The following MACC1 variants were observed in gnomAD, a reference collection of about 807,000 sequenced individuals.
The protein encoded by MACC1 is MET transcriptional regulator MACC1, also known as metastasis-associated in colon cancer protein 1.
A neutral mutation model predicts 70.7 loss-of-function variants in MACC1; 79 were observed. The ratio of observed to expected loss-of-function variants is 1.12; its 90% confidence interval spans 0.93 to 1.35. The LOEUF is 1.35. Ranked by LOEUF, MACC1 falls within the 40% of genes most tolerant of loss-of-function variation. The probability of loss-of-function intolerance (pLI) is 0.00; values close to 1 mark genes in which losing one functional copy is unlikely to be tolerated. For missense variants in MACC1, 1,106 were observed against 978.1 expected, an observed-to-expected ratio of 1.13 and a Z score of -1.74; for synonymous variants, 361 against 347.2, an observed-to-expected ratio of 1.04 and a Z score of -0.44.
chr7:20,205,431 C>G (rs919770142), intron 1 of MACC1, among the ~76,000 whole-genome samples: 13 of 152,152 alleles, frequency 8.5e-5, no homozygotes, highest in African/African-American at 2.9e-4. Context: ...CCTGCTTGAT[C>G]TGTGGTGTGG....
At chr7:20,141,262 C>A (rs1054983323) in intron 6 of MACC1, 104 bp from the exon 7 acceptor site, 17 of 716,096 alleles carry the variant, frequency 2.4e-5, no homozygotes, top group Non-Finnish European at 3.5e-5. Context: ...TAAGATAAAA[C>A]GGAATACCAA....
At chr7:20,145,101 G>C (rs980353004) in intron 6 of MACC1, among the ~76,000 whole-genome samples, 1 of 152,142 alleles carries the variant, frequency 6.6e-6, no homozygotes, top group Admixed American at 6.5e-5. Flanking sequence ...TGTACGATCG[G>C]AATATTTACA....
At chr7:20,154,167 T>C (rs768808248) in intron 6 of MACC1, 26 bp downstream of exon 6, 10 of 1,611,838 alleles carry the variant, frequency 6.2e-6, no homozygotes, top group African/African-American at 4.0e-5. Flanking sequence ...CTTTTCACTA[T>C]TGAATTACAC....
At chr7:20,152,394 C>T (rs752314618) in intron 6 of MACC1, among the ~76,000 whole-genome samples, 2 of 152,044 alleles carry the variant, frequency 1.3e-5, no homozygotes, top group Non-Finnish European at 2.9e-5. Flanking sequence ...TTAGGAATCT[C>T]CTCCCAAAGA....
At chr7:20,196,172 GT>G (rs535198854) in intron 1 of MACC1, among the ~76,000 whole-genome samples, 2 of 151,544 alleles carry the variant, frequency 1.3e-5, no homozygotes, top group Non-Finnish European at 2.9e-5. Flanking sequence ...TAATTTTCAG[GT>G]TTTTTTTAAA....
intron 6 of MACC1, among the ~76,000 whole-genome samples, chr7:20,148,211 A>C (rs141988897): frequency 6.2e-4 from 95 of 152,336 alleles, no homozygotes; most frequent in African/African-American, 2.2e-3. Flanking sequence ...ATTGCTAAGT[A>C]TACAAAGGAA....
At chr7:20,143,296 C>T (rs1353328831) in intron 6 of MACC1, among the ~76,000 whole-genome samples, 1 of 152,200 alleles carries the variant, frequency 6.6e-6, no homozygotes, top group Non-Finnish European at 1.5e-5. Context: ...ACTACAGATT[C>T]AGGAAAGGTC....
chr7:20,172,504 T>C (rs888236000), intron 1 of MACC1, among the ~76,000 whole-genome samples: 2 of 152,178 alleles, frequency 1.3e-5, no homozygotes, highest in Non-Finnish European at 2.9e-5. Context: ...TACACACATA[T>C]ATACACACAT....
chr7:20,154,690 A>G (rs1284283416), intron 5 of MACC1, among the ~76,000 whole-genome samples: 1 of 152,136 alleles, frequency 6.6e-6, no homozygotes, highest in African/African-American at 2.4e-5. Context: ...AGGAAGTTAA[A>G]TTACACACTT....
intron 6 of MACC1, among the ~76,000 whole-genome samples, chr7:20,142,429 G>T (rs1781819720): frequency 6.6e-6 from 1 of 152,158 alleles, no homozygotes; most frequent in Non-Finnish European, 1.5e-5. Context: ...TTGCAAGGTA[G>T]AGAATAAAAG....
At chr7:20,205,613 A>G (rs1264964257) in intron 1 of MACC1, among the ~76,000 whole-genome samples, 1 of 152,090 alleles carries the variant, frequency 6.6e-6, no homozygotes. Flanking sequence ...TTTTCCTGCT[A>G]TTGCTTTGAC....
At chr7:20,215,760 T>G (rs571602503) in intron 1 of MACC1, among the ~76,000 whole-genome samples, 1 of 152,346 alleles carries the variant, frequency 6.6e-6, no homozygotes, top group African/African-American at 2.4e-5. Flanking sequence ...AATTCCAAAA[T>G]GTCTTTTGTC....
At position 20,141,034 on chromosome 7, in the gene MACC1, T is replaced by A; in HGVS notation, c.2471A>T (p.His824Leu). Reference protein sequence around the residue: ...LDRMKNPVTKHWRELTGVLIL... With the variant: ...LDRMKNPVTKLWRELTGVLIL... The stretch of plus-strand genomic sequence containing the variant: ...TAAAACTCCAGTTAATTCTCTCCAG[T>A]GTTTAGTCACAGGGTTTTTCATTCT... Residue 824 changes from histidine to leucine, a missense_variant, in exon 7 of 7, where the codon CAC (histidine) becomes CTC (leucine). Coordinates refer to ENST00000400331, the MANE Select transcript of MACC1 (RefSeq NM_182762.4). 1 of 1,614,110 alleles carries A rather than the reference T, an allele frequency of 6.2e-7. No individual in the cohort carries two copies. Among genetic ancestry groups the A allele is most frequent in the Non-Finnish European group, 8.5e-7 (1 of 1,179,964 alleles).
At chr7:20,170,320 T>G (rs1253656988) in intron 2 of MACC1, 5 of 152,228 alleles carry the variant, frequency 3.3e-5, no homozygotes, top group Non-Finnish European at 7.3e-5. Flanking sequence ...TGAAATAACA[T>G]AAATCCCCAA....
rs1782142441 is a variant in MACC1 at position 20,161,786 on chromosome 7, A to T, written c.77T>A (p.Met26Lys). ...ACTTTTTGAGAGTTTTCCAGCTTCC[A>T]TGTCAATCAAATTTGCTTCAGACAT... ...QSMSEANLID[M>K]EAGKLSKSCN... is the part of the protein sequence containing the mutation. The change falls in exon 4 of 7, where the codon ATG (methionine) becomes AAG (lysine). Residue 26 changes from methionine to lysine, a missense_variant. By Grantham distance (95) the Met-to-Lys change is moderately conservative. Transcript: ENST00000400331. 6.2e-7 allele frequency: 1 copy of T among 1,612,538 alleles called. No homozygotes were observed. The highest frequency in any genetic ancestry group is 8.5e-7 in the Non-Finnish European group (1 of 1,178,910).
chr7:20,207,814 A>G (rs1225170825), intron 1 of MACC1, among the ~76,000 whole-genome samples: 1 of 152,220 alleles, frequency 6.6e-6, no homozygotes, highest in African/African-American at 2.4e-5. Context: ...CATAATATCT[A>G]TCATTGGCAT....
Position 20,159,817 on chromosome 7 carries a change from A to G in MACC1, c.544T>C (p.Trp182Arg). ...KNDREAYKMAWLSQRQLARSC... is the reference protein window; with the variant it reads ...KNDREAYKMARLSQRQLARSC... ...CGGGCCAGCTGGCGTTGACTTAACC[A>G]AGCCATTTTATAAGCCTCCCGATCA... Residue 182 changes from tryptophan (W) to arginine (R), a missense_variant, in exon 5 of 7, where the codon TGG becomes CGG. By Grantham distance (101) the Trp-to-Arg change is moderately radical. Coordinates refer to ENST00000400331, the MANE Select transcript of MACC1 (RefSeq NM_182762.4). 2 of 1,614,124 alleles carry G rather than the reference A, an allele frequency of 1.2e-6. No individual in the cohort carries two copies. The highest frequency in any genetic ancestry group is 2.2e-5 in the South Asian group (2 of 91,082).
At chr7:20,203,823 TAAC>T (rs1047381524) in intron 1 of MACC1, among the ~76,000 whole-genome samples, 5 of 152,210 alleles carry the variant, frequency 3.3e-5, no homozygotes, top group African/African-American at 1.2e-4. Context: ...TTTTTCAATT[TAAC>T]AACTTGTTTC....
At chr7:20,166,392 A>T (rs1287064435) in intron 2 of MACC1, among the ~76,000 whole-genome samples, 6 of 152,170 alleles carry the variant, frequency 3.9e-5, no homozygotes, top group Non-Finnish European at 5.9e-5. Flanking sequence ...TCAGCTGATG[A>T]TACACACCTG....
Sources: gnomAD v4.1 joint callset for allele counts (sites outside exome capture counted in the v4.1 genomes callset) on GRCh38, gnomAD v4.1.1 for gene constraint, MANE v1.5 for transcripts, NCBI Gene and HGNC (gene_info 2026-07-23, HGNC 2026-07-21) for gene names.